The following IGF1R variants were observed in gnomAD, a reference collection of about 807,000 sequenced individuals.
IGF1R encodes the protein insulin-like growth factor 1 receptor.
Under a neutral mutation model 144.6 loss-of-function variants are expected in IGF1R, and 44 were observed. The ratio of observed to expected loss-of-function variants is 0.30; its 90% CI spans 0.24 to 0.39. The LOEUF (loss-of-function observed/expected upper bound fraction) is 0.39. IGF1R is among the 10% of genes least tolerant of loss of function. IGF1R has a pLI of 1.00. For synonymous variants in IGF1R, 795 were observed against 722.8 expected (o/e 1.10, Z -1.60); for missense variants, 1,355 against 1,833.7 (o/e 0.74, Z 4.77).
chr15:98,764,166 C>G (rs752635381), intron 2 of IGF1R, among the ~76,000 whole-genome samples: 6 of 152,202 alleles, frequency 3.9e-5, no homozygotes, highest in Non-Finnish European at 8.8e-5. Flanking sequence ...ATTAGCTTTT[C>G]ATTACTTAGT....
At chr15:98,767,502 C>T (rs1449916420) in intron 2 of IGF1R, among the ~76,000 whole-genome samples, 1 of 152,138 alleles carries the variant, frequency 6.6e-6, no homozygotes, top group Non-Finnish European at 1.5e-5. Flanking sequence ...AAGCAAAGTT[C>T]ATTTTCCCCT....
At chr15:98,877,525 T>C (rs1461972906) in intron 2 of IGF1R, among the ~76,000 whole-genome samples, 3 of 111,000 alleles carry the variant, frequency 2.7e-5, no homozygotes, top group Middle Eastern at 5.4e-3. Flanking sequence ...CCCAAAAAAT[T>C]TGCTACTCTT....
chr15:98,819,408 C>T (rs925809259), intron 2 of IGF1R, among the ~76,000 whole-genome samples: 5 of 152,036 alleles, frequency 3.3e-5, no homozygotes, highest in African/African-American at 4.8e-5. Context: ...GGGATTAAAT[C>T]GTGAGGGTGG....
In IGF1R at chr15:98,747,548, A is replaced by G. The variant is rs74032573; in HGVS notation, c.640+39441A>G. The stretch of plus-strand genomic sequence containing the variant: ...TTTTGGTGCCAAGTCGATTAATTGA[A>G]TATAGGTTATTTTGCATCTTAGATT... On this transcript the variant is annotated intron_variant, in intron 2 of 20. Coordinates refer to ENST00000650285, the MANE Select transcript of IGF1R (RefSeq NM_000875.5). Among the ~76,000 whole-genome samples the G allele has an allele frequency of 5.8e-3, 891 of 152,318 alleles. 7 individuals are homozygous for G. The highest frequency in any genetic ancestry group is 0.02 in the African/African-American group (846 of 41,556).
intron 2 of IGF1R, among the ~76,000 whole-genome samples, chr15:98,823,916 G>A (rs1192019239): frequency 6.6e-6 from 1 of 152,060 alleles, no homozygotes; most frequent in African/African-American, 2.4e-5. Flanking sequence ...GAGAAAGAGG[G>A]GGAAAAAAAG....
intron 5 of IGF1R, among the ~76,000 whole-genome samples, chr15:98,900,956 T>C (rs1315296328): frequency 6.6e-6 from 1 of 152,220 alleles, no homozygotes; most frequent in African/African-American, 2.4e-5. Context: ...ATGATAGACA[T>C]AGAGGTGAAT....
At chr15:98,756,257 T>C (rs2055153799) in intron 2 of IGF1R, among the ~76,000 whole-genome samples, 1 of 152,084 alleles carries the variant, frequency 6.6e-6, no homozygotes, top group Middle Eastern at 3.4e-3. Context: ...CTGTTTTTTT[T>C]TTTTTTTTAA....
intron 5 of IGF1R, among the ~76,000 whole-genome samples, chr15:98,903,000 A>G (rs56999604): frequency 0.19 from 28,407 of 152,056 alleles, 3,324 homozygotes; most frequent in East Asian, 0.42. Flanking sequence ...GCGTGAGCTG[A>G]TTTTGTAACC....
At chr15:98,820,307 T>C (rs1165965772) in intron 2 of IGF1R, among the ~76,000 whole-genome samples, 1 of 152,220 alleles carries the variant, frequency 6.6e-6, no homozygotes, top group African/African-American at 2.4e-5. Context: ...AGCAGAATAT[T>C]CCAGGAAACC....
Position 98,929,558 on chromosome 15 carries a change from C to G in IGF1R, c.2783C>G (p.Thr928Arg), listed in dbSNP as rs752154075. ...TATCATTTCCTCCTCTTTGCTGCAG[C>G]AGGATATGAAAACTTCATCCATCTG... ...DPVFFYVQAK[T>R]GYENFIHLII... Residue 928 changes from threonine to arginine, a missense_variant and splice_region_variant, in exon 14 of 21, where the codon ACA becomes AGA. Coordinates refer to ENST00000650285, the MANE Select transcript of IGF1R (RefSeq NM_000875.5). The G allele has an allele frequency of 1.2e-6, 2 of 1,610,004 alleles. No individual in the cohort carries two copies. The highest frequency in any genetic ancestry group is 1.7e-6 in the Non-Finnish European group (2 of 1,176,286).
intron 2 of IGF1R, among the ~76,000 whole-genome samples, chr15:98,760,549 T>C (rs912026398): frequency 7.1e-4 from 108 of 152,338 alleles, no homozygotes; most frequent in African/African-American, 2.6e-3. Context: ...ATTTTGACCA[T>C]TTACATGGGT....
intron 2 of IGF1R, among the ~76,000 whole-genome samples, chr15:98,883,694 C>G (rs2013494513): frequency 6.6e-6 from 1 of 152,196 alleles, no homozygotes; most frequent in Non-Finnish European, 1.5e-5. Flanking sequence ...CTAGGCTGTC[C>G]TCCTCCTGTG....
At chr15:98,890,451 A>G (rs534145809) in intron 2 of IGF1R, 9 of 152,324 alleles carry the variant, frequency 5.9e-5, no homozygotes, top group Non-Finnish European at 8.8e-5. Context: ...GTTACCCTAT[A>G]TGGTCTAAAA....
At chr15:98,742,184 C>T (rs562111439) in intron 2 of IGF1R, among the ~76,000 whole-genome samples, 9 of 152,240 alleles carry the variant, frequency 5.9e-5, no homozygotes, top group African/African-American at 1.4e-4. Context: ...GATCTTATTC[C>T]GGAGGAGTGT....
chr15:98,720,914 C>A (rs1468618281), intron 2 of IGF1R, among the ~76,000 whole-genome samples: 2 of 152,166 alleles, frequency 1.3e-5, no homozygotes, highest in Non-Finnish European at 2.9e-5. Context: ...TTTCCTTGTG[C>A]CATGGCCAGT....
chr15:98,662,925 G>T (rs1037133792), intron 1 of IGF1R, among the ~76,000 whole-genome samples: 1 of 152,108 alleles, frequency 6.6e-6, no homozygotes, highest in Admixed American at 6.6e-5. Context: ...AATGAGGAGC[G>T]CTGAAACCTT....
intron 8 of IGF1R, among the ~76,000 whole-genome samples, chr15:98,915,704 G>A (rs796917690): frequency 7.2e-5 from 11 of 152,256 alleles, no homozygotes; most frequent in South Asian, 2.1e-4. Flanking sequence ...TTGTGCCCCC[G>A]CAGCCTTTTT....
chr15:98,947,170 G>A (rs765882458), intron 19 of IGF1R, among the ~76,000 whole-genome samples: 8 of 152,282 alleles, frequency 5.3e-5, no homozygotes, highest in South Asian at 4.1e-4. Flanking sequence ...ACATGAAGAC[G>A]ACAGCATTTC....
chr15:98,663,235 A>G (rs1463221965), intron 1 of IGF1R, among the ~76,000 whole-genome samples: 1 of 152,074 alleles, frequency 6.6e-6, no homozygotes, highest in Non-Finnish European at 1.5e-5. Flanking sequence ...TCGAGAGAGC[A>G]GTCCCAGTTG....
Sources: gnomAD v4.1 joint callset for allele counts (sites outside exome capture counted in the v4.1 genomes callset) on GRCh38, gnomAD v4.1.1 for gene constraint, MANE v1.5 for transcripts, NCBI Gene and HGNC (gene_info 2026-07-23, HGNC 2026-07-21) for gene names.